TENM1: variants seen among roughly 807,000 people sequenced by gnomAD.
TENM1 encodes teneurin transmembrane protein 1.
TENM1 carries 35 observed loss-of-function variants against 174.8 expected under a neutral mutation model. The ratio of observed to expected loss-of-function variants is 0.20; its 90% CI spans 0.15 to 0.27. TENM1 has a LOEUF of 0.27. TENM1 is among the 10% of genes least tolerant of loss of function. The pLI is 1.00. For synonymous variants in TENM1, 781 were observed against 798.7 expected (o/e 0.98, Z 0.37); for missense variants, 1,633 against 2,130.1 (o/e 0.77, Z 4.59).
At chrX:124,394,114 C>T (rs757780123) in intron 27 of TENM1, among the ~76,000 whole-genome samples, 23 of 111,743 alleles carry the variant, frequency 2.1e-4, no homozygotes, top group African/African-American at 6.5e-4. Context: ...AGATTTATAT[C>T]GGTAAGAGTT....
intron 18 of TENM1, among the ~76,000 whole-genome samples, chrX:124,506,090 G>A (rs1222622986): frequency 9.0e-6 from 1 of 111,632 alleles, no homozygotes; most frequent in African/African-American, 3.3e-5. Flanking sequence ...ATAATTACAA[G>A]TTCCCTTAAA....
At chrX:124,437,870 C>G (rs1223452226) in intron 23 of TENM1, among the ~76,000 whole-genome samples, 1 of 111,732 alleles carries the variant, frequency 8.9e-6, no homozygotes, top group Non-Finnish European at 1.9e-5. Flanking sequence ...TTTTATATGT[C>G]CCCATGTTTA....
At chrX:124,447,339 A>G (rs1404472948) in intron 23 of TENM1, among the ~76,000 whole-genome samples, 1 of 111,274 alleles carries the variant, frequency 9.0e-6, no homozygotes, top group Non-Finnish European at 1.9e-5. Context: ...CTCTCTATCA[A>G]CTGACCCATC....
chrX:124,454,502 C>G (rs1426924662), intron 22 of TENM1, among the ~76,000 whole-genome samples: 1 of 110,848 alleles, frequency 9.0e-6, no homozygotes, highest in African/African-American at 3.3e-5. Context: ...CTCCTGGGTT[C>G]AAGTGATTAT....
At chrX:124,433,556 G>A (rs1229393304) in intron 23 of TENM1, among the ~76,000 whole-genome samples, 1 of 111,541 alleles carries the variant, frequency 9.0e-6, no homozygotes, top group East Asian at 2.8e-4. Context: ...AGTTTTCGAC[G>A]GCAAAGATGA....
At chrX:124,868,136 A>G (rs1276416962) in intron 3 of TENM1, among the ~76,000 whole-genome samples, 1 of 112,158 alleles carries the variant, frequency 8.9e-6, no homozygotes, top group East Asian at 2.8e-4. Context: ...AAAATCCTAA[A>G]ATTTATATGG....
At chrX:124,442,523 C>G (rs2060914238) in intron 23 of TENM1, among the ~76,000 whole-genome samples, 1 of 111,487 alleles carries the variant, frequency 9.0e-6, no homozygotes, top group Non-Finnish European at 1.9e-5. Context: ...AGTTGAGTTT[C>G]AATATCATCT....
At chrX:124,514,236 C>T (rs1238253255) in intron 18 of TENM1, among the ~76,000 whole-genome samples, 1 of 110,727 alleles carries the variant, frequency 9.0e-6, no homozygotes, top group Admixed American at 9.6e-5. Context: ...CTACTAGATG[C>T]TGTACTGGTC....
At chrX:124,490,654 C>T (rs751098032) in intron 20 of TENM1, among the ~76,000 whole-genome samples, 1 of 112,144 alleles carries the variant, frequency 8.9e-6, no homozygotes, top group Non-Finnish European at 1.9e-5. Context: ...GAAGCATTTG[C>T]CAGGCTCTTA....
chrX:124,536,850 T>C (rs1220374623), intron 15 of TENM1, among the ~76,000 whole-genome samples: 1 of 112,043 alleles, frequency 8.9e-6, no homozygotes, highest in Admixed American at 9.5e-5. Context: ...GTTCTACACA[T>C]GACTCAAATG....
intron 3 of TENM1, among the ~76,000 whole-genome samples, chrX:124,891,914 T>C (rs2057482715): frequency 9.0e-6 from 1 of 111,640 alleles, no homozygotes; most frequent in Non-Finnish European, 1.9e-5. Flanking sequence ...TAGGTCCCCT[T>C]GCTAAGTACT....
the TENM1 span, among the ~76,000 whole-genome samples, chrX:124,997,374 A>T: frequency 2.9e-4 from 32 of 111,303 alleles, no homozygotes; most frequent in African/African-American, 9.4e-4. Context: ...GGGCAACTGG[A>T]TGCTCAACTA....
At chrX:124,539,658 G>A (rs1333453282) in intron 15 of TENM1, among the ~76,000 whole-genome samples, 1 of 111,185 alleles carries the variant, frequency 9.0e-6, no homozygotes, top group Non-Finnish European at 1.9e-5. Flanking sequence ...TGCTAAATGG[G>A]ATTTCTTTTG....
In TENM1 at chrX:124,674,765, C is replaced by T. The variant is rs746887209; in HGVS notation, c.1016-2930G>A. Reference sequence around the variant, plus strand: ...CAATTAGAGGTATTTTTCCGTTTTACAGAAAATTTGGTCTACTCTGCCTCC... The same window carrying T: ...CAATTAGAGGTATTTTTCCGTTTTATAGAAAATTTGGTCTACTCTGCCTCC... On this transcript the variant is annotated intron_variant, in intron 5 of 31. Transcript: ENST00000422452. 9.8e-4 allele frequency among the ~76,000 whole-genome samples: 109 copies of T among 111,259 alleles called. 1 individual carries two copies. Among genetic ancestry groups the T allele is most frequent in the African/African-American group, 3.3e-3 (101 of 30,680 alleles).
At chrX:124,550,451 T>C (rs1005922262) in intron 14 of TENM1, among the ~76,000 whole-genome samples, 1 of 112,150 alleles carries the variant, frequency 8.9e-6, no homozygotes, top group African/African-American at 3.2e-5. Flanking sequence ...ACTAGGTACA[T>C]CCACGTATAT....
At chrX:124,862,375 C>G (rs1220464008) in intron 3 of TENM1, among the ~76,000 whole-genome samples, 1 of 111,706 alleles carries the variant, frequency 9.0e-6, no homozygotes, top group Non-Finnish European at 1.9e-5. Flanking sequence ...ATAGAAAAAA[C>G]AGTCCTGAAT....
rs143662102 is a variant in TENM1 at position 124,482,898 on chromosome X, G to A, written c.3717-934C>T. Among the ~76,000 whole-genome samples, 321 of 112,041 alleles carry A rather than the reference G, an allele frequency of 2.9e-3. 3 individuals are homozygous for A. Among genetic ancestry groups the A allele is most frequent in the African/African-American group, 9.9e-3 (305 of 30,872 alleles). ...CTGACATCATCCAAACCCCAAATGT[G>A]GAAGTCATCCCTAATCCCTCTTTTG... On this transcript the variant is annotated intron_variant, in intron 21 of 31. Transcript: ENST00000422452.
intron 11 of TENM1, among the ~76,000 whole-genome samples, chrX:124,639,520 A>T (rs770067781): frequency 8.9e-6 from 1 of 111,792 alleles, no homozygotes; most frequent in Non-Finnish European, 1.9e-5. Context: ...TGAGTTAGAT[A>T]ATAAATTTTA....
intron 3 of TENM1, among the ~76,000 whole-genome samples, chrX:124,884,265 T>C (rs1225332279): frequency 9.1e-6 from 1 of 110,007 alleles, no homozygotes; most frequent in African/African-American, 3.3e-5. Context: ...CAGAGGATGT[T>C]CATTGTACTC....
Sources: gnomAD v4.1 joint callset for allele counts (sites outside exome capture counted in the v4.1 genomes callset) on GRCh38, gnomAD v4.1.1 for gene constraint, MANE v1.5 for transcripts, NCBI Gene and HGNC (gene_info 2026-07-23, HGNC 2026-07-21) for gene names.